The following ASXL2 variants were observed in gnomAD, a reference collection of about 807,000 sequenced individuals.
ASXL2 encodes the protein ASXL transcriptional regulator 2, also known as putative Polycomb group protein ASXL2.
ASXL2 carries 23 observed loss-of-function variants against 122.0 expected under a neutral mutation model. That is an observed-to-expected ratio of 0.19 (90% confidence interval 0.14 to 0.27). The LOEUF (loss-of-function observed/expected upper bound fraction) is 0.27. Ranked by LOEUF, ASXL2 falls within the 10% of genes least tolerant of loss-of-function variation. The pLI, the probability that ASXL2 is intolerant of heterozygous loss-of-function variation, is 1.00. For synonymous variants in ASXL2, 650 were observed against 637.0 expected (o/e 1.02, Z -0.31); for missense variants, 1,518 against 1,713.8 (o/e 0.89, Z 2.02).
chr2:25,869,089 T>C (rs2872783), intron 1 of ASXL2, among the ~76,000 whole-genome samples: 42,122 of 150,534 alleles, frequency 0.28, 6,168 homozygotes, highest in African/African-American at 0.33. Context: ...CGCTTGAACC[T>C]TGGAGGTGGA....
chr2:25,764,547 G>A (rs2088310713), intron 8 of ASXL2, among the ~76,000 whole-genome samples: 1 of 152,196 alleles, frequency 6.6e-6, no homozygotes, highest in Non-Finnish European at 1.5e-5. Context: ...CCTGTGGTGG[G>A]TTGGGCAAAC....
intron 3 of ASXL2, chr2:25,810,457 T>C (rs906377295): frequency 6.1e-5 from 44 of 718,680 alleles, no homozygotes; most frequent in Non-Finnish European, 9.9e-5. Context: ...CACGTGCTCC[T>C]GAGCACAGTC....
intron 4 of ASXL2, among the ~76,000 whole-genome samples, chr2:25,801,407 T>C (rs1172540576): frequency 6.6e-6 from 1 of 152,216 alleles, no homozygotes; most frequent in East Asian, 1.9e-4. Flanking sequence ...GACTATAAAC[T>C]CTGATCTAGT....
At chr2:25,790,493 T>C (rs1314025866) in intron 5 of ASXL2, among the ~76,000 whole-genome samples, 2 of 152,138 alleles carry the variant, frequency 1.3e-5, no homozygotes, top group Non-Finnish European at 2.9e-5. Flanking sequence ...TTTATAGTCT[T>C]TTCTCACAAA....
intron 5 of ASXL2, among the ~76,000 whole-genome samples, chr2:25,777,580 T>C (rs1156712140): frequency 6.6e-6 from 1 of 150,612 alleles, no homozygotes; most frequent in African/African-American, 2.5e-5. Flanking sequence ...TGAGACCCTA[T>C]CGTTTAATAA....
chr2:25,864,930 C>T (rs1469859676), intron 1 of ASXL2, among the ~76,000 whole-genome samples: 6 of 151,450 alleles, frequency 4.0e-5, no homozygotes. Context: ...CTCCTGGATT[C>T]GAGCGATTCT....
chr2:25,758,925 G>A (rs1227647895), intron 9 of ASXL2, among the ~76,000 whole-genome samples: 2 of 151,572 alleles, frequency 1.3e-5, no homozygotes, highest in Non-Finnish European at 2.9e-5. Flanking sequence ...GTTGATACTG[G>A]ACCAAGACAA....
At chr2:25,877,575 C>G (rs2090019782) in intron 1 of ASXL2, among the ~76,000 whole-genome samples, 1 of 152,136 alleles carries the variant, frequency 6.6e-6, no homozygotes, top group Non-Finnish European at 1.5e-5. Flanking sequence ...TTCTACAAGT[C>G]CCACCTGTTA....
chr2:25,842,723 G>T (rs13392329), intron 2 of ASXL2, among the ~76,000 whole-genome samples: 48,165 of 150,450 alleles, frequency 0.32, 8,219 homozygotes, highest in African/African-American at 0.4. Context: ...TAGATAGATA[G>T]ATGTATATAT....
chr2:25,765,359 A>G lies in ASXL2; in HGVS notation c.775+2224T>C, dbSNP rs1021702767. 4.6e-5 allele frequency among the ~76,000 whole-genome samples: 7 copies of G among 151,906 alleles called. No individual in the cohort carries two copies. The East Asian group carries it at 1.2e-3, about 25-fold the overall frequency. ...AAATTAGCCGGGCGTGGTGGCGGGC[A>G]CCTGTCGTCCCAGCTACCCAGGAGG... On this transcript the variant is annotated intron_variant, in intron 8 of 12. Transcript: ENST00000435504.
intron 5 of ASXL2, among the ~76,000 whole-genome samples, chr2:25,781,745 C>G (rs540819657): frequency 6.7e-6 from 1 of 149,998 alleles, no homozygotes; most frequent in Non-Finnish European, 1.5e-5. Flanking sequence ...TCTCGGCTCA[C>G]GCAGCCTCCG....
chr2:25,842,536 G>A (rs1042749493), intron 2 of ASXL2, among the ~76,000 whole-genome samples: 1 of 151,934 alleles, frequency 6.6e-6, no homozygotes, highest in Non-Finnish European at 1.5e-5. Context: ...AAGTCCCAGA[G>A]CCTTACTATG....
chr2:25,835,522 A>C lies in ASXL2; in HGVS notation c.143+16T>G, dbSNP rs1426599326. 1 of 297,508 alleles carries C rather than the reference A, an allele frequency of 3.4e-6. No homozygotes were observed. Among genetic ancestry groups the C allele is most frequent in the Admixed American group, 3.6e-5 (1 of 27,518 alleles). 18.4% of individuals were successfully genotyped at this position (297,508 alleles called of 1,614,324 possible). ...AATTGCATAATACTTCTTTAGAATA[A>C]AGTAATACTTCTTACCTTCTGGAGT... On this transcript the variant is annotated intron_variant, in intron 3 of 12. Transcript: ENST00000435504.
At chr2:25,838,215 G>A (rs180784041) in intron 2 of ASXL2, among the ~76,000 whole-genome samples, 1 of 152,338 alleles carries the variant, frequency 6.6e-6, no homozygotes, top group East Asian at 1.9e-4. Context: ...AGGTGGGACA[G>A]ATTCCCCAGC....
intron 5 of ASXL2, among the ~76,000 whole-genome samples, chr2:25,791,927 G>T (rs569036862): frequency 6.6e-6 from 1 of 152,290 alleles, no homozygotes; most frequent in African/African-American, 2.4e-5. Context: ...ATTCAAATTT[G>T]TTTCCCAAAT....
chr2:25,762,665 G>GAAAAAAAAAAAAAAAAAAA (rs60065368), intron 8 of ASXL2, among the ~76,000 whole-genome samples: 2 of 34,264 alleles, frequency 5.8e-5, no homozygotes, highest in Non-Finnish European at 9.6e-5. Flanking sequence ...ACTCTTTCTC[G>GAAAAAAAAAAAAAAAAAAA]AAAAAAAAAA....
Position 25,856,506 on chromosome 2 carries a change from C to G in ASXL2, c.58-10943G>C. The G allele has an allele frequency of 4.6e-6, 5 of 1,089,356 alleles. No homozygotes were observed. In the South Asian group the frequency reaches 6.2e-5, roughly 13 times the overall value. 67.5% of individuals were successfully genotyped at this position (1,089,356 alleles called of 1,614,324 possible). A position where few individuals can be genotyped will look rare whatever the true frequency, so the allele number is the denominator to read the frequency against. On this transcript the variant is annotated intron_variant, in intron 1 of 12. Coordinates refer to ENST00000435504, the MANE Select transcript of ASXL2 (RefSeq NM_018263.6). ...GGAACTTGTATCCAGCAAAGACAGC[C>G]TTGTCCCCAAGAGCCTCCTCAATCC...
intron 5 of ASXL2, among the ~76,000 whole-genome samples, chr2:25,793,324 G>A (rs2088864480): frequency 6.6e-6 from 1 of 152,168 alleles, no homozygotes; most frequent in Admixed American, 6.5e-5. Flanking sequence ...GCTTCTCGTT[G>A]CTGGATATTT....
At chr2:25,800,250 A>C (rs1467082169) in intron 4 of ASXL2, among the ~76,000 whole-genome samples, 6 of 152,214 alleles carry the variant, frequency 3.9e-5, no homozygotes, top group Admixed American at 3.9e-4. Context: ...GTGAGCTGTG[A>C]TCGTACTACT....
Sources: gnomAD v4.1 joint callset for allele counts (sites outside exome capture counted in the v4.1 genomes callset) on GRCh38, gnomAD v4.1.1 for gene constraint, MANE v1.5 for transcripts, NCBI Gene and HGNC (gene_info 2026-07-23, HGNC 2026-07-21) for gene names.